Variants in WWOX observed in about 807,000 individuals in gnomAD.
The protein encoded by WWOX is WW domain-containing oxidoreductase.
Under a neutral mutation model 46.2 loss-of-function variants are expected in WWOX, and 69 were observed. That is an observed-to-expected ratio of 1.49 (90% confidence interval 1.23 to 1.82). The LOEUF (loss-of-function observed/expected upper bound fraction) is 1.82, where lower values mean the gene tolerates loss of function less well. WWOX is among the 40% of genes most tolerant of loss of function. The pLI is 0.00. For synonymous variants in WWOX, 359 were observed against 202.6 expected, an observed-to-expected ratio of 1.77 and a Z score of -6.56; for missense variants, 919 against 542.6, an observed-to-expected ratio of 1.69 and a Z score of -6.89.
At chr16:78,571,569 G>C (rs898674825) in intron 8 of WWOX, among the ~76,000 whole-genome samples, 3 of 152,182 alleles carry the variant, frequency 2.0e-5, no homozygotes, top group African/African-American at 7.2e-5. Context: ...AAACTCATCA[G>C]TTAGAGGCGT....
chr16:78,950,686 T>C (rs532285830), intron 8 of WWOX, among the ~76,000 whole-genome samples: 2 of 152,312 alleles, frequency 1.3e-5, no homozygotes, highest in Non-Finnish European at 2.9e-5. Context: ...GTCAGTACTT[T>C]CTGCAAGCTT....
intron 7 of WWOX, among the ~76,000 whole-genome samples, chr16:78,431,544 A>G (rs1236282684): frequency 6.6e-6 from 1 of 152,036 alleles, no homozygotes; most frequent in African/African-American, 2.4e-5. Context: ...TATTCAAGAC[A>G]CTTTTCTGTT....
In WWOX at chr16:78,876,530, G is replaced by A. The variant is rs2044237675; in HGVS notation, c.1057-335078G>A. The stretch of plus-strand genomic sequence containing the variant: ...GATCTGCTGTCTTGTGAATGTCAAA[G>A]AAGTTTCTCATTCGCCCCTTTCTTC... On this transcript the variant is annotated intron_variant, in intron 8 of 8. Coordinates refer to ENST00000566780, the MANE Select transcript of WWOX (RefSeq NM_016373.4). Among the ~76,000 whole-genome samples, 3 of 151,162 alleles carry A rather than the reference G, an allele frequency of 2.0e-5. No individual in the cohort carries two copies. The South Asian group carries it at 6.3e-4, about 32-fold the overall frequency.
chr16:78,939,803 G>A (rs1199187643), intron 8 of WWOX, among the ~76,000 whole-genome samples: 1 of 152,122 alleles, frequency 6.6e-6, no homozygotes, highest in Non-Finnish European at 1.5e-5. Flanking sequence ...CTTTTAGCCT[G>A]CCTCCCTTCC....
intron 8 of WWOX, among the ~76,000 whole-genome samples, chr16:79,007,420 C>G (rs528316820): frequency 1.3e-5 from 2 of 152,312 alleles, no homozygotes; most frequent in South Asian, 4.1e-4. Context: ...AGAAATCACT[C>G]AGGCTGCCTT....
chr16:78,609,237 T>A (rs921453865), intron 8 of WWOX, among the ~76,000 whole-genome samples: 1 of 152,230 alleles, frequency 6.6e-6, no homozygotes, highest in Non-Finnish European at 1.5e-5. Flanking sequence ...GTTTTTGGTG[T>A]TTGCATCTTG....
chr16:78,827,764 C>T (rs2051702279), intron 8 of WWOX, among the ~76,000 whole-genome samples: 1 of 152,132 alleles, frequency 6.6e-6, no homozygotes, highest in African/African-American at 2.4e-5. Context: ...TCACTTGAAT[C>T]TGGGAGGCAG....
chr16:78,956,306 C>T (rs1192368282), intron 8 of WWOX, among the ~76,000 whole-genome samples: 1 of 152,104 alleles, frequency 6.6e-6, no homozygotes, highest in East Asian at 1.9e-4. Context: ...CCACCATACC[C>T]AGCTCATTTT....
At chr16:78,564,480 C>G (rs1166309578) in intron 8 of WWOX, among the ~76,000 whole-genome samples, 1 of 152,204 alleles carries the variant, frequency 6.6e-6, no homozygotes, top group East Asian at 1.9e-4. Flanking sequence ...AAAATCTAGT[C>G]TCCCTCACAA....
intron 8 of WWOX, among the ~76,000 whole-genome samples, chr16:78,925,283 A>G (rs1333364726): frequency 6.6e-6 from 1 of 152,244 alleles, no homozygotes; most frequent in Non-Finnish European, 1.5e-5. Flanking sequence ...ACTGGGTGGC[A>G]GCATACTGGG....
rs190382453 is a variant in WWOX, at chr16:78,238,501, C to A, written c.516+74212C>A. Among the ~76,000 whole-genome samples the A allele has an allele frequency of 2.6e-5, 4 of 152,144 alleles. No homozygotes were observed. The East Asian group carries it at 7.8e-4, about 29-fold the overall frequency. On this transcript the variant is annotated intron_variant, in intron 5 of 8. Coordinates refer to ENST00000566780, the MANE Select transcript of WWOX (RefSeq NM_016373.4). Reference sequence around the variant, plus strand: ...CTTTGTAGAGATGCGGTTTCTCTACCATGTTGGCCAGGCTGAATAATCATA... The same window carrying A: ...CTTTGTAGAGATGCGGTTTCTCTACAATGTTGGCCAGGCTGAATAATCATA...
chr16:79,145,491 C>G (rs1026140075), intron 8 of WWOX, among the ~76,000 whole-genome samples: 1 of 152,132 alleles, frequency 6.6e-6, no homozygotes, highest in Admixed American at 6.5e-5. Flanking sequence ...TATGAGCCAC[C>G]GCATCCAGCC....
At chr16:78,234,683 A>G (rs188129942) in intron 5 of WWOX, among the ~76,000 whole-genome samples, 60 of 152,298 alleles carry the variant, frequency 3.9e-4, no homozygotes, top group Admixed American at 3.9e-4. Flanking sequence ...CTCTCATTTT[A>G]TTATGCATTG....
chr16:78,115,275 G>T, intron 4 of WWOX, 121 bp downstream of exon 4: 1 of 1,223,680 alleles, frequency 8.2e-7, no homozygotes, highest in Admixed American at 2.0e-5. Flanking sequence ...ATCCTTTTCA[G>T]ATATCGTTTC....
In WWOX at chr16:78,634,837, A is replaced by AGAGAGAGT. The variant is rs1346762709; in HGVS notation, c.1056+202086_1056+202087insAGAGAGTG. On this transcript the variant is annotated intron_variant, in intron 8 of 8. Coordinates refer to ENST00000566780, the MANE Select transcript of WWOX (RefSeq NM_016373.4). ...GAGAGAGAGAGAGAGAGAGAGAGAG[A>AGAGAGAGT]GTGTGTGTGTGTGTGTGTGTGTGTG... Among the ~76,000 whole-genome samples, 373 of 111,762 alleles carry AGAGAGAGT rather than the reference A, an allele frequency of 3.3e-3. 3 individuals carry two copies. Among genetic ancestry groups the AGAGAGAGT allele is most frequent in the Middle Eastern group, 0.025 (5 of 198 alleles). The allele number at this position is 111,762 out of a possible 152,430, so 73.3% of individuals were successfully genotyped here. A position where few individuals can be genotyped will look rare whatever the true frequency, so the allele number is the denominator to read the frequency against.
chr16:78,450,291 A>T (rs768751317), intron 8 of WWOX, among the ~76,000 whole-genome samples: 6 of 152,192 alleles, frequency 3.9e-5, no homozygotes, highest in Non-Finnish European at 7.3e-5. Context: ...TGAATCATTT[A>T]CATTTTGAAA....
chr16:78,337,421 G>A (rs1451224800), intron 5 of WWOX, among the ~76,000 whole-genome samples: 1 of 152,128 alleles, frequency 6.6e-6, no homozygotes, highest in Non-Finnish European at 1.5e-5. Context: ...CCTGGTATGA[G>A]GGTATTAACA....
intron 5 of WWOX, among the ~76,000 whole-genome samples, chr16:78,233,776 C>T (rs1404914370): frequency 1.3e-5 from 2 of 152,160 alleles, no homozygotes; most frequent in Non-Finnish European, 2.9e-5. Context: ...ATCCGCCTGT[C>T]TTGGCCTCCC....
At chr16:78,533,776 T>C (rs116060452) in intron 8 of WWOX, among the ~76,000 whole-genome samples, 1 of 152,170 alleles carries the variant, frequency 6.6e-6, no homozygotes, top group East Asian at 1.9e-4. Context: ...GATGAAGTTG[T>C]AGGCCCCTCC....
Sources: allele counts gnomAD v4.1 joint callset (sites outside exome capture counted in the v4.1 genomes callset), GRCh38; gene constraint gnomAD v4.1.1; transcripts MANE v1.5; gene names NCBI Gene and HGNC (gene_info 2026-07-23, HGNC 2026-07-21).